Variants in RFX3 observed in about 807,000 individuals in gnomAD.
RFX3 encodes transcription factor RFX3.
Under a neutral mutation model 98.6 loss-of-function variants are expected in RFX3, and 14 were observed. The ratio of observed to expected loss-of-function variants is 0.14; its 90% CI spans 0.09 to 0.22. RFX3 has a LOEUF of 0.22. Among genes scored for constraint, RFX3 ranks in the 10% least tolerant of loss-of-function variants. The pLI is 1.00. For missense variants in RFX3, 639 were observed against 926.9 expected (o/e 0.69, Z 4.03); for synonymous variants, 383 against 328.4 (o/e 1.17, Z -1.80).
intron 1 of RFX3, chr9:3,524,530 C>T: frequency 1.0e-6 from 1 of 969,726 alleles, no homozygotes; most frequent in South Asian, 4.8e-5. Context: ...ACTTGAATTT[C>T]AACTCTCAAA....
At chr9:3,301,724 C>A in intron 4 of RFX3, 104 bp from the exon 5 acceptor site, 2 of 766,670 alleles carry the variant, frequency 2.6e-6, no homozygotes, top group Admixed American at 2.1e-5. Context: ...TCTTCCTCAA[C>A]GGTCGTTAAT....
At chr9:3,246,623 A>G (rs1016651172) in intron 15 of RFX3, among the ~76,000 whole-genome samples, 1 of 152,216 alleles carries the variant, frequency 6.6e-6, no homozygotes. Context: ...TGAGTTAAGA[A>G]ATTTTAGAGT....
At chr9:3,515,919 C>T (rs1818109240) in intron 1 of RFX3, among the ~76,000 whole-genome samples, 1 of 152,118 alleles carries the variant, frequency 6.6e-6, no homozygotes, top group Non-Finnish European at 1.5e-5. Context: ...CCCTATTAGG[C>T]TGGTAAAAGA....
chr9:3,430,162 G>C (rs1468715739), intron 1 of RFX3, among the ~76,000 whole-genome samples: 1 of 152,188 alleles, frequency 6.6e-6, no homozygotes, highest in East Asian at 1.9e-4. Context: ...ATAAAATGAT[G>C]TTTTGAAAGA....
At chr9:3,478,919 A>T (rs867290923) in intron 1 of RFX3, among the ~76,000 whole-genome samples, 1 of 152,146 alleles carries the variant, frequency 6.6e-6, no homozygotes, top group East Asian at 1.9e-4. Context: ...TCTTCCCCCA[A>T]CTGAGCTGAG....
chr9:3,297,817 T>A (rs189089891), intron 5 of RFX3, among the ~76,000 whole-genome samples: 101 of 152,104 alleles, frequency 6.6e-4, no homozygotes, highest in African/African-American at 2.4e-3. Flanking sequence ...TCATAAACTT[T>A]AAATGGAATT....
intron 1 of RFX3, among the ~76,000 whole-genome samples, chr9:3,519,915 T>C (rs1818537135): frequency 6.6e-6 from 1 of 150,898 alleles, no homozygotes; most frequent in Non-Finnish European, 1.5e-5. Flanking sequence ...CTGGGCAATG[T>C]AGCAAGACCC....
chr9:3,235,754 C>G (rs938307001), intron 15 of RFX3, among the ~76,000 whole-genome samples: 1 of 152,158 alleles, frequency 6.6e-6, no homozygotes, highest in African/African-American at 2.4e-5. Context: ...CCTCTCTCTT[C>G]ATGTTAGTAT....
chr9:3,524,873 ACACAC>A, intron 1 of RFX3, among the ~76,000 whole-genome samples: 1 of 101,350 alleles, frequency 9.9e-6, no homozygotes, highest in Admixed American at 1.1e-4. Context: ...ACACACACAC[ACACAC>A]CAAAGAAGAG....
At chr9:3,342,101 T>A (rs1833953303) in intron 3 of RFX3, among the ~76,000 whole-genome samples, 1 of 152,200 alleles carries the variant, frequency 6.6e-6, no homozygotes. Context: ...TACATGATTT[T>A]CAAGAGATGA....
At position 3,302,076 on chromosome 9, in the gene RFX3, A is replaced by G. The variant is rs539731167; in HGVS notation, c.475-456T>C. 2.0e-5 allele frequency among the ~76,000 whole-genome samples: 3 copies of G among 152,034 alleles called. No individual in the cohort carries two copies. The East Asian group carries it at 5.8e-4, about 29-fold the overall frequency. ...AATATGCATTAATATTTTAATGCAA[A>G]TGAACAAAGATTCTTTCATTAATGT... On this transcript the variant is annotated intron_variant, in intron 4 of 16. Transcript: ENST00000617270.
At chr9:3,509,240 G>A (rs983516354) in intron 1 of RFX3, among the ~76,000 whole-genome samples, 1 of 151,862 alleles carries the variant, frequency 6.6e-6, no homozygotes, top group African/African-American at 2.4e-5. Context: ...AGCCCAGCTG[G>A]GCAAGTCTCA....
At chr9:3,442,986 G>A (rs1845731885) in intron 1 of RFX3, among the ~76,000 whole-genome samples, 2 of 151,996 alleles carry the variant, frequency 1.3e-5, no homozygotes, top group African/African-American at 4.8e-5. Flanking sequence ...TCCAATAAAC[G>A]TCTTACATCC....
At position 3,330,424 on chromosome 9, in the gene RFX3, C is replaced by T; in HGVS notation, c.309G>A (p.Val103=). Residue 103 remains valine, a synonymous_variant, in exon 4 of 17, where the codon GTG becomes GTA. Coordinates refer to ENST00000617270, the MANE Select transcript of RFX3 (RefSeq NM_001282116.2). ...TACTGTGGGATGAGACCACGGTAGT[C>T]ACCTGGGCGGAACTCCCTTGAGTAT... is the stretch of plus-strand genomic sequence containing the variant. ...YFDTQGSSAQ[V]TTVVSSHSMV... 1 of 1,614,114 alleles carries T rather than the reference C, an allele frequency of 6.2e-7. No individual in the cohort carries two copies. The highest frequency in any genetic ancestry group is 8.5e-7 in the Non-Finnish European group (1 of 1,180,014).
chr9:3,398,914 TAAAA>T (rs71324247), intron 1 of RFX3, among the ~76,000 whole-genome samples: 2,638 of 67,518 alleles, frequency 0.039, 54 homozygotes, highest in African/African-American at 0.12. Context: ...TAGAGTATAA[TAAAA>T]AAAAAAAAAA....
At chr9:3,270,982 G>C (rs745985032) in intron 10 of RFX3, 21 bp downstream of exon 10, 1 of 1,613,526 alleles carries the variant, frequency 6.2e-7, no homozygotes, top group Non-Finnish European at 8.5e-7. Flanking sequence ...AAAATGAATT[G>C]GAAAAGATGT....
chr9:3,369,032 T>A (rs1837518277), intron 2 of RFX3, among the ~76,000 whole-genome samples: 1 of 152,166 alleles, frequency 6.6e-6, no homozygotes, highest in Non-Finnish European at 1.5e-5. Context: ...AGGAGGCAGA[T>A]ACAAACTGAA....
At chr9:3,278,244 G>T (rs745864156) in intron 7 of RFX3, among the ~76,000 whole-genome samples, 3 of 151,648 alleles carry the variant, frequency 2.0e-5, no homozygotes, top group Non-Finnish European at 4.4e-5. Flanking sequence ...ACATAAAAAA[G>T]CCTGGCCAAG....
intron 4 of RFX3, among the ~76,000 whole-genome samples, chr9:3,311,393 C>T (rs963481001): frequency 5.3e-5 from 8 of 152,302 alleles, no homozygotes; most frequent in South Asian, 2.1e-4. Context: ...ATGTAGCCAC[C>T]ACTCACACCT....
Sources: gnomAD v4.1 joint callset for allele counts (sites outside exome capture counted in the v4.1 genomes callset) on GRCh38, gnomAD v4.1.1 for gene constraint, MANE v1.5 for transcripts, NCBI Gene and HGNC (gene_info 2026-07-23, HGNC 2026-07-21) for gene names.